The following RAB11FIP4 variants were observed in gnomAD, a reference collection of about 807,000 sequenced individuals.
RAB11FIP4 encodes rab11 family-interacting protein 4.
RAB11FIP4 carries 23 observed loss-of-function variants against 74.3 expected under a neutral mutation model. That is an observed-to-expected ratio of 0.31 (90% confidence interval 0.22 to 0.44). RAB11FIP4 has a LOEUF of 0.44. Among genes scored for constraint, RAB11FIP4 ranks in the 20% least tolerant of loss-of-function variants. The pLI is 1.00. For missense variants in RAB11FIP4, 630 were observed against 863.9 expected (o/e 0.73, Z 3.39); for synonymous variants, 360 against 359.9 (o/e 1.00, Z 0.00).
At chr17:31,529,252 C>G (rs975278368) in intron 13 of RAB11FIP4, among the ~76,000 whole-genome samples, 28 of 152,208 alleles carry the variant, frequency 1.8e-4, no homozygotes, top group African/African-American at 6.3e-4. Context: ...CACACACCAC[C>G]ATGCCCAGCT....
chr17:31,398,356 C>T (rs1025236547), intron 1 of RAB11FIP4, among the ~76,000 whole-genome samples: 6 of 152,196 alleles, frequency 3.9e-5, no homozygotes, highest in South Asian at 2.1e-4. Context: ...ACACTCTTGA[C>T]GAAGCCTGAA....
intron 3 of RAB11FIP4, among the ~76,000 whole-genome samples, chr17:31,444,299 G>A (rs190411718): frequency 1.3e-5 from 2 of 152,038 alleles, no homozygotes; most frequent in Non-Finnish European, 1.5e-5. Flanking sequence ...GCCCAGGGAA[G>A]CAGCCTTTCT....
intron 1 of RAB11FIP4, among the ~76,000 whole-genome samples, chr17:31,396,015 C>A (rs1008570653): frequency 4.4e-4 from 67 of 151,926 alleles, no homozygotes; most frequent in African/African-American, 1.5e-3. Flanking sequence ...GACCCCCCAT[C>A]TCTACAAAAA....
At chr17:31,437,011 C>T (rs1480531327) in intron 3 of RAB11FIP4, among the ~76,000 whole-genome samples, 1 of 151,860 alleles carries the variant, frequency 6.6e-6, no homozygotes, top group East Asian at 1.9e-4. Context: ...AGGATGGTCT[C>T]GATCTCCTGA....
intron 4 of RAB11FIP4, among the ~76,000 whole-genome samples, chr17:31,519,836 G>A (rs563340112): frequency 1.4e-4 from 21 of 152,198 alleles, no homozygotes; most frequent in Admixed American, 1.3e-3. Context: ...TGCTCGTGCT[G>A]CTCTCTGGGA....
At chr17:31,419,856 T>C (rs1472874526) in intron 1 of RAB11FIP4, among the ~76,000 whole-genome samples, 1 of 152,176 alleles carries the variant, frequency 6.6e-6, no homozygotes. Context: ...AGCAGGTTTG[T>C]AGTTTTCTTA....
At chr17:31,451,374 A>C (rs1462344842) in intron 3 of RAB11FIP4, among the ~76,000 whole-genome samples, 1 of 148,840 alleles carries the variant, frequency 6.7e-6, no homozygotes, top group African/African-American at 2.5e-5. Flanking sequence ...CAGAAGAATC[A>C]CTTAAACCCG....
At chr17:31,419,631 A>G (rs369626575) in intron 1 of RAB11FIP4, among the ~76,000 whole-genome samples, 103 of 151,222 alleles carry the variant, frequency 6.8e-4, no homozygotes, top group African/African-American at 2.3e-3. Flanking sequence ...GCTCATTGCA[A>G]GCTCCGCCTC....
intron 6 of RAB11FIP4, 75 bp from the exon 7 acceptor site, chr17:31,522,285 G>A (rs1597980586): frequency 6.7e-7 from 1 of 1,486,048 alleles, no homozygotes; most frequent in Non-Finnish European, 9.3e-7. Context: ...GCACTGTGGT[G>A]TCTTACAGCT....
intron 1 of RAB11FIP4, among the ~76,000 whole-genome samples, chr17:31,402,876 T>C (rs112426757): frequency 0.14 from 20,797 of 151,818 alleles, 1,926 homozygotes; most frequent in African/African-American, 0.26. Flanking sequence ...CCACCCGCCT[T>C]GGCCTCCCAA....
At chr17:31,482,606 AAAAAG>A (rs1423882811) in intron 3 of RAB11FIP4, among the ~76,000 whole-genome samples, 2 of 145,836 alleles carry the variant, frequency 1.4e-5, no homozygotes, top group Admixed American at 6.6e-5. Flanking sequence ...AAAAGAAAAA[AAAAAG>A]AAAAGAAAAA....
At chr17:31,430,836 G>A (rs894574283) in intron 1 of RAB11FIP4, among the ~76,000 whole-genome samples, 1 of 152,136 alleles carries the variant, frequency 6.6e-6, no homozygotes, top group African/African-American at 2.4e-5. Flanking sequence ...TACAGTGGGA[G>A]CATGGATTGA....
intron 11 of RAB11FIP4, 24 bp downstream of exon 11, chr17:31,527,947 A>T: frequency 6.4e-7 from 1 of 1,562,752 alleles, no homozygotes. Flanking sequence ...CCAGGCTTGG[A>T]GGGGCAGGGC....
At chr17:31,421,314 G>A (rs1025908040) in intron 1 of RAB11FIP4, among the ~76,000 whole-genome samples, 4 of 151,802 alleles carry the variant, frequency 2.6e-5, no homozygotes, top group Non-Finnish European at 4.4e-5. Context: ...CATCTCCCAG[G>A]TTCAAGTAAT....
At chr17:31,392,061 GCC>G in intron 1 of RAB11FIP4, 50 bp downstream of exon 1, 11 of 822,996 alleles carry the variant, frequency 1.3e-5, no homozygotes, top group African/African-American at 4.4e-5. Context: ...GCCCAGCCCC[GCC>G]GCCCCTCCCC....
intron 5 of RAB11FIP4, 137 bp from the exon 6 acceptor site, chr17:31,521,778 T>C: frequency 1.1e-6 from 1 of 949,054 alleles, no homozygotes; most frequent in Non-Finnish European, 1.6e-6. Context: ...TCTGTTGCTA[T>C]ATTTCCACTC....
intron 9 of RAB11FIP4, 83 bp from the exon 10 acceptor site, chr17:31,525,007 G>T: frequency 6.6e-7 from 1 of 1,522,472 alleles, no homozygotes; most frequent in East Asian, 2.5e-5. Flanking sequence ...CAGGGTCTCG[G>T]GGCCCAGGGT....
chr17:31,405,321 C>T (rs564363746), intron 1 of RAB11FIP4, among the ~76,000 whole-genome samples: 6 of 152,118 alleles, frequency 3.9e-5, no homozygotes, highest in African/African-American at 1.2e-4. Flanking sequence ...GCCAAGCTCA[C>T]GCAGCCTCAG....
chr17:31,447,084 A>C (rs1375787952), intron 3 of RAB11FIP4, among the ~76,000 whole-genome samples: 3 of 152,184 alleles, frequency 2.0e-5, no homozygotes, highest in East Asian at 1.9e-4. Context: ...GGAGATCGAG[A>C]CCATCCTGGC....
Sources: allele counts gnomAD v4.1 joint callset (sites outside exome capture counted in the v4.1 genomes callset), GRCh38; gene constraint gnomAD v4.1.1; transcripts MANE v1.5; gene names NCBI Gene and HGNC (gene_info 2026-07-23, HGNC 2026-07-21).